IGHMBP2: variants seen among roughly 807,000 people sequenced by gnomAD.
IGHMBP2 encodes the protein DNA-binding protein SMUBP-2.
In IGHMBP2, 81 loss-of-function variants were observed where a neutral mutation model predicts 96.0. The ratio of observed to expected loss-of-function variants is 0.84; its 90% CI spans 0.71 to 1.01. The LOEUF is 1.01. IGHMBP2 is among the 50% of genes least tolerant of loss of function. The pLI is 0.00. For missense variants in IGHMBP2, 1,227 were observed against 1,306.3 expected, an observed-to-expected ratio of 0.94 and a Z score of 0.94; for synonymous variants, 557 against 548.9, an observed-to-expected ratio of 1.01 and a Z score of -0.21.
At chr11:68,904,202 G>GT (rs1198017340) in intron 1 of IGHMBP2, among the ~76,000 whole-genome samples, 164 bp downstream of exon 1, 7 of 152,156 alleles carry the variant, frequency 4.6e-5, no homozygotes, top group Non-Finnish European at 1.0e-4. Flanking sequence ...CTCCCGAGTT[G>GT]TCAGTCTCAT....
chr11:68,935,091 C>G (rs1164871595), intron 11 of IGHMBP2, among the ~76,000 whole-genome samples: 1 of 152,244 alleles, frequency 6.6e-6, no homozygotes, highest in Non-Finnish European at 1.5e-5. Flanking sequence ...AAGAAATGAT[C>G]AAATGCCAGG....
rs940662939 is a variant in IGHMBP2 at position 68,935,221 on chromosome 11, C to G, written c.1633-78C>G. 9 of 1,581,770 alleles carry G rather than the reference C, an allele frequency of 5.7e-6. No individual in the cohort carries two copies. In the East Asian group the frequency reaches 1.8e-4, roughly 32 times the overall value. The stretch of plus-strand genomic sequence containing the variant: ...CCTGGCTGTTTCACAGCGTGAGGCC[C>G]TCTGCTGAGCTGAAGGGCAGGGTCT... On this transcript the variant is annotated intron_variant, in intron 11 of 14. Transcript: ENST00000255078.
Position 68,911,457 on chromosome 11 carries a change from AACACCTGCCTGG to A in IGHMBP2, c.572_583del (p.Cys191_Thr194del), listed in dbSNP as rs1858431890. ...TTCCACAGACCCGCTGACATTCTTC[AACACCTGCCTGG>A]ACACCTCCCAGAAAGAAGCGGTTTT... On this transcript the variant is annotated inframe_deletion, in exon 5 of 15. Coordinates refer to ENST00000255078, the MANE Select transcript of IGHMBP2 (RefSeq NM_002180.3). 2 of 1,613,950 alleles carry A rather than the reference AACACCTGCCTGG, an allele frequency of 1.2e-6. No homozygotes were observed. The highest frequency in any genetic ancestry group is 1.7e-6 in the Non-Finnish European group (2 of 1,179,994).
At chr11:68,906,680 T>C (rs1156692376) in intron 2 of IGHMBP2, among the ~76,000 whole-genome samples, 1 of 149,600 alleles carries the variant, frequency 6.7e-6, no homozygotes, top group Non-Finnish European at 1.5e-5. Context: ...TTCGCTCTTA[T>C]TGCCCAGTCT....
Position 68,933,269 on chromosome 11 carries a change from G to C in IGHMBP2, c.1236-30G>C, listed in dbSNP as rs369910206. Reference sequence around the variant, plus strand: ...CACCTGGACTCTGGGGCTCAGGCCTGCCTTCCCCCTTTCTCCCTCCTGGGC... The same window carrying C: ...CACCTGGACTCTGGGGCTCAGGCCTCCCTTCCCCCTTTCTCCCTCCTGGGC... On this transcript the variant is annotated intron_variant, in intron 8 of 14. Transcript: ENST00000255078. 12 of 1,601,346 alleles carry C rather than the reference G, an allele frequency of 7.5e-6. No homozygotes were observed. The African/African-American group carries it at 1.3e-4, about 18-fold the overall frequency.
chr11:68,934,072 T>C lies in IGHMBP2; in HGVS notation c.1537+159T>C. The C allele has an allele frequency of 5.8e-6, 4 of 690,882 alleles. No homozygotes were observed. The South Asian group carries it at 6.3e-5, about 11-fold the overall frequency. 42.8% of individuals were successfully genotyped at this position (690,882 alleles called of 1,614,324 possible). On this transcript the variant is annotated intron_variant, in intron 10 of 14. Transcript: ENST00000255078. ...CCACACTGCAAGAGGCTGAGCAGCA[T>C]CGTTTTCTCCAGGGTGAGCAGACCG...
rs1475465198 is a variant in IGHMBP2, at chr11:68,940,529, G to A, written c.*798G>A. On this transcript the variant is annotated 3_prime_UTR_variant, in exon 15 of 15. Transcript: ENST00000255078. ...TCTATTTAAGAGAACCTCAGATGAT[G>A]TACCTGAGCCTCAGGGTTTTGTTTC... The A allele has an allele frequency of 2.6e-5, 4 of 152,154 alleles. No homozygotes were observed. Among genetic ancestry groups the A allele is most frequent in the Non-Finnish European group, 5.9e-5 (4 of 68,042 alleles). 9.4% of individuals were successfully genotyped at this position (152,154 alleles called of 1,614,324 possible).
chr11:68,922,991 T>A (rs867369816), intron 7 of IGHMBP2, among the ~76,000 whole-genome samples: 8 of 152,304 alleles, frequency 5.3e-5, no homozygotes, highest in Middle Eastern at 3.4e-3. Flanking sequence ...AATACAACTA[T>A]AATAACTGTT....
intron 5 of IGHMBP2, 103 bp downstream of exon 5, chr11:68,911,706 G>T: frequency 9.4e-7 from 1 of 1,061,888 alleles, no homozygotes; most frequent in Non-Finnish European, 1.4e-6. Flanking sequence ...GGTGGGATGG[G>T]TCAGGAACAT....
intron 8 of IGHMBP2, chr11:68,932,391 G>A (rs1386285332): frequency 6.6e-6 from 1 of 152,266 alleles, no homozygotes; most frequent in African/African-American, 2.4e-5. Flanking sequence ...GGTGGGGTTG[G>A]TGAGCCGTAG....
At chr11:68,913,440 C>T (rs1279367200) in intron 5 of IGHMBP2, among the ~76,000 whole-genome samples, 1 of 151,960 alleles carries the variant, frequency 6.6e-6, no homozygotes, top group African/African-American at 2.4e-5. Flanking sequence ...TTGTTTTGAG[C>T]TTAAGGGCCT....
At chr11:68,937,214 A>C in intron 13 of IGHMBP2, 123 bp downstream of exon 13, 1 of 1,263,990 alleles carries the variant, frequency 7.9e-7, no homozygotes, top group Non-Finnish European at 1.1e-6. Flanking sequence ...TGCCCGTGTC[A>C]TTTTAGCTTT....
chr11:68,928,153 C>G (rs572482033), intron 7 of IGHMBP2, among the ~76,000 whole-genome samples: 1 of 152,328 alleles, frequency 6.6e-6, no homozygotes, highest in South Asian at 2.1e-4. Flanking sequence ...AAGGACAGCA[C>G]TTGCTGGAAA....
intron 9 of IGHMBP2, 78 bp downstream of exon 9, chr11:68,933,559 A>G (rs1197303683): frequency 1.3e-6 from 2 of 1,486,432 alleles, no homozygotes; most frequent in African/African-American, 2.8e-5. Context: ...CTACGCAGCA[A>G]GCTAAAGTGA....
chr11:68,909,265 C>T (rs991947936), intron 4 of IGHMBP2, among the ~76,000 whole-genome samples: 2 of 151,570 alleles, frequency 1.3e-5, no homozygotes, highest in Non-Finnish European at 2.9e-5. Flanking sequence ...CTGCAACCTC[C>T]GCCTCCCGGG....
intron 1 of IGHMBP2, among the ~76,000 whole-genome samples, chr11:68,904,901 C>T (rs1300805538): frequency 6.6e-6 from 1 of 151,178 alleles, no homozygotes; most frequent in Non-Finnish European, 1.5e-5. Flanking sequence ...CGGGTTCAAG[C>T]GATTCTCCTG....
chr11:68,919,419 G>A (rs1459571249), intron 7 of IGHMBP2, among the ~76,000 whole-genome samples: 1 of 152,210 alleles, frequency 6.6e-6, no homozygotes, highest in African/African-American at 2.4e-5. Flanking sequence ...CCCTGCATGT[G>A]CCACTGCACC....
At chr11:68,920,842 C>T (rs924370393) in intron 7 of IGHMBP2, among the ~76,000 whole-genome samples, 4 of 152,038 alleles carry the variant, frequency 2.6e-5, no homozygotes, top group East Asian at 1.9e-4. Flanking sequence ...AGTGCAGAGG[C>T]GTGATCATAA....
Position 68,908,131 on chromosome 11 carries a change from CT to C in IGHMBP2, c.257-11del. 1.2e-6 allele frequency: 2 copies of C among 1,611,174 alleles called. No individual in the cohort carries two copies. Among genetic ancestry groups the C allele is most frequent in the Non-Finnish European group, 1.7e-6 (2 of 1,177,860 alleles). ...TCCCCAGTGTCTTGTGTCACTGAGT[CT>C]TTGTTTTTGCAGGTGATATCGTGGG... On this transcript the variant is annotated splice_polypyrimidine_tract_variant and intron_variant, in intron 2 of 14. Coordinates refer to ENST00000255078, the MANE Select transcript of IGHMBP2 (RefSeq NM_002180.3).
Sources: gnomAD v4.1 joint callset for allele counts (sites outside exome capture counted in the v4.1 genomes callset) on GRCh38, gnomAD v4.1.1 for gene constraint, MANE v1.5 for transcripts, NCBI Gene and HGNC (gene_info 2026-07-23, HGNC 2026-07-21) for gene names.